Variants in RGL2 observed in about 807,000 individuals in gnomAD.
RGL2 encodes ral guanine nucleotide dissociation stimulator like 2.
In RGL2, 40 loss-of-function variants were observed where a neutral mutation model predicts 84.6. That is an observed-to-expected ratio of 0.47 (90% confidence interval 0.37 to 0.62). The LOEUF (loss-of-function observed/expected upper bound fraction) is 0.62, where lower values mean the gene tolerates loss of function less well. Ranked by LOEUF, RGL2 falls within the 20% of genes least tolerant of loss-of-function variation. The probability of loss-of-function intolerance (pLI) is 0.00; values close to 1 mark genes in which losing one functional copy is unlikely to be tolerated. For missense variants in RGL2, 865 were observed against 1,019.7 expected, an observed-to-expected ratio of 0.85 and a Z score of 2.07; for synonymous variants, 369 against 417.3, an observed-to-expected ratio of 0.88 and a Z score of 1.41.
Position 33,298,566 on chromosome 6 carries a change from G to A in RGL2, c.45C>T (p.Pro15=). The A allele has an allele frequency of 2.0e-6, 3 of 1,467,804 alleles. No individual in the cohort carries two copies. Among genetic ancestry groups the A allele is most frequent in the Non-Finnish European group, 2.7e-6 (3 of 1,109,594 alleles). The allele number at this position is 1,467,804 out of a possible 1,614,324, so 90.9% of individuals were successfully genotyped here. Residue 15 remains proline, a synonymous_variant, in exon 2 of 18, where the codon CCC becomes CCT. Transcript: ENST00000497454. The surrounding 1 kb of genome is among the most constrained non-coding windows in gnomAD (Gnocchi z 4.8). ...GGAAGCTGCTCAGTACGACTCCCCC[G>A]GGGGGGCTCGTGTCCAAAAGCAGCC... ...PLRLLLDTSP[P]GGVVLSSFRS...
Position 33,295,731 on chromosome 6 carries a change from T to C in RGL2, c.797A>G (p.Gln266Arg). Residue 266 changes from glutamine (Q) to arginine (R), a missense_variant, in exon 7 of 18, where the codon CAG (glutamine) becomes CGG (arginine). Physicochemically the swap from Gln to Arg is conservative, Grantham distance 43. Around this residue, in one of 5 missense-constraint regions of RGL2, gnomAD observed 455 missense variants for 507.8 expected, o/e 0.90. Coordinates refer to ENST00000497454, the MANE Select transcript of RGL2 (RefSeq NM_004761.5). The surrounding 1 kb of genome is among the most constrained non-coding windows in gnomAD (Gnocchi z 7.2). ...AELFLNLIPSQCLGGLWGHRD... is the reference protein window; with the variant it reads ...AELFLNLIPSRCLGGLWGHRD... ...GTGACCCCACAGGCCTCCCAGGCAC[T>C]GAGAGGGGATCAAATTGAGAAAAAG... The C allele has an allele frequency of 1.2e-6, 2 of 1,613,698 alleles. No homozygotes were observed. Among genetic ancestry groups the C allele is most frequent in the Non-Finnish European group, 1.7e-6 (2 of 1,179,988 alleles).
In RGL2 at chr6:33,296,841, A is replaced by G. The variant is rs781149462; in HGVS notation, c.241-65T>C. ...ACTCTGCACCTAGATTTCTGAGGAC[A>G]ATCCCAGACCCAGGAGATGTTCCAG... On this transcript the variant is annotated intron_variant, in intron 3 of 17. Transcript: ENST00000497454. This position sits in a 1 kb window ranked among gnomAD's most constrained non-coding sequence, Gnocchi z 5.0. The G allele has an allele frequency of 4.4e-6, 7 of 1,596,630 alleles. No homozygotes were observed. Among genetic ancestry groups the G allele is most frequent in the Non-Finnish European group, 6.0e-6 (7 of 1,164,224 alleles).
rs1454581761 is a variant in RGL2 at position 33,295,767 on chromosome 6, G to A, written c.769-8C>T. The stretch of plus-strand genomic sequence containing the variant: ...CAAATTGAGAAAAAGTTCCTGCAGG[G>A]TAGAGGTCAGAGGTTAAAGTTCATA... On this transcript the variant is annotated splice_region_variant and splice_polypyrimidine_tract_variant and intron_variant, in intron 6 of 17. Transcript: ENST00000497454. The surrounding 1 kb of genome is among the most constrained non-coding windows in gnomAD (Gnocchi z 7.2). The A allele has an allele frequency of 1.8e-5, 29 of 1,611,808 alleles. No individual in the cohort carries two copies. In the East Asian group the frequency reaches 6.0e-4, roughly 33 times the overall value.
chr6:33,298,698 G>T lies in RGL2; in HGVS notation c.-41-47C>A, dbSNP rs561105011. On this transcript the variant is annotated intron_variant, in intron 1 of 17. Coordinates refer to ENST00000497454, the MANE Select transcript of RGL2 (RefSeq NM_004761.5). The surrounding 1 kb of genome is among the most constrained non-coding windows in gnomAD (Gnocchi z 4.8). ...TGGGGGTGGAGAGTCAGGCAGGCGC[G>T]GGGGAACCGGGCAGGGAAGGGACGT... 7,990 of 870,484 alleles carry T rather than the reference G, an allele frequency of 9.2e-3. 74 individuals are homozygous for T. The highest frequency in any genetic ancestry group is 0.011 in the Non-Finnish European group (6,576 of 602,468). 53.9% of individuals were successfully genotyped at this position (870,484 alleles called of 1,614,324 possible).
At position 33,298,637 on chromosome 6, in the gene RGL2, G is replaced by A. The variant is rs1768259263; in HGVS notation, c.-27C>T. 2 of 1,423,106 alleles carry A rather than the reference G, an allele frequency of 1.4e-6. No homozygotes were observed. The highest frequency in any genetic ancestry group is 2.9e-5 in the South Asian group (2 of 69,088). The allele number at this position is 1,423,106 out of a possible 1,614,324, so 88.2% of individuals were successfully genotyped here. On this transcript the variant is annotated 5_prime_UTR_variant, in exon 2 of 18. It introduces an in-frame stop codon into an upstream open reading frame of the 5' UTR. Coordinates refer to ENST00000497454, the MANE Select transcript of RGL2 (RefSeq NM_004761.5). The surrounding 1 kb of genome is among the most constrained non-coding windows in gnomAD (Gnocchi z 4.8). Reference sequence around the variant, plus strand: ...GCCGAGTGAAGGAATCAGCGGGGTCGGGCCATGGGGGCGCCTGGGGAGAGA... The same window carrying A: ...GCCGAGTGAAGGAATCAGCGGGGTCAGGCCATGGGGGCGCCTGGGGAGAGA...
In RGL2 at chr6:33,294,618, CG is replaced by C. The variant is rs918088640; in HGVS notation, c.1353+69del. 10 of 1,549,498 alleles carry C rather than the reference CG, an allele frequency of 6.5e-6. No homozygotes were observed. The highest frequency in any genetic ancestry group is 8.9e-6 in the Non-Finnish European group (10 of 1,128,624). Reference sequence around the variant, plus strand: ...GTGCCTTACAGCCCCTTGCAAGGGGCGGGGGGGTCTGTCCGACCCTGCAGCC... The same window carrying C: ...GTGCCTTACAGCCCCTTGCAAGGGGCGGGGGGTCTGTCCGACCCTGCAGCC... On this transcript the variant is annotated intron_variant, in intron 11 of 17. Coordinates refer to ENST00000497454, the MANE Select transcript of RGL2 (RefSeq NM_004761.5). This position sits in a 1 kb window ranked among gnomAD's most constrained non-coding sequence, Gnocchi z 5.0.
At position 33,293,960 on chromosome 6, in the gene RGL2, C is replaced by G; in HGVS notation, c.1387-44G>C. ...ACTGCAGGAGCCAAAACTCAGGGACCCCTGACTTTTCCCCCTCCCCTTCCT... is the reference window on the plus strand; with the variant it reads ...ACTGCAGGAGCCAAAACTCAGGGACGCCTGACTTTTCCCCCTCCCCTTCCT... On this transcript the variant is annotated intron_variant, in intron 12 of 17. Transcript: ENST00000497454. The surrounding 1 kb of genome is among the most constrained non-coding windows in gnomAD (Gnocchi z 7.0). The G allele has an allele frequency of 6.2e-7, 1 of 1,614,080 alleles. No homozygotes were observed. The highest frequency in any genetic ancestry group is 8.5e-7 in the Non-Finnish European group (1 of 1,180,020).
At position 33,294,856 on chromosome 6, in the gene RGL2, A is replaced by G. The variant is rs1767783777; in HGVS notation, c.1279-94T>C. ...CCCTCCTCATTGCCTCAGAGAACAG[A>G]TTTCATTCTCCTCACCCCTCTGTGC... On this transcript the variant is annotated intron_variant, in intron 10 of 17. Transcript: ENST00000497454. The surrounding 1 kb of genome is among the most constrained non-coding windows in gnomAD (Gnocchi z 5.0). The G allele has an allele frequency of 6.6e-7, 1 of 1,504,406 alleles. No homozygotes were observed. The allele number at this position is 1,504,406 out of a possible 1,614,324, so 93.2% of individuals were successfully genotyped here. A position where few individuals can be genotyped will look rare whatever the true frequency, so the allele number is the denominator to read the frequency against.
Position 33,297,006 on chromosome 6 carries a change from G to A in RGL2, c.240+26C>T, listed in dbSNP as rs971747646. ...GAAAACTGGGAATGAAGAGTCAGAG[G>A]TGAGAAGCTAAAGTCATGATCTCAC... On this transcript the variant is annotated intron_variant, in intron 3 of 17. Coordinates refer to ENST00000497454, the MANE Select transcript of RGL2 (RefSeq NM_004761.5). This position sits in a 1 kb window ranked among gnomAD's most constrained non-coding sequence, Gnocchi z 4.0. 2.5e-6 allele frequency: 4 copies of A among 1,592,288 alleles called. No individual in the cohort carries two copies. The highest frequency in any genetic ancestry group is 1.7e-5 in the Admixed American group (1 of 57,744).
chr6:33,295,338 C>A lies in RGL2; in HGVS notation c.1105G>T (p.Ala369Ser). The A allele has an allele frequency of 6.3e-7, 1 of 1,586,140 alleles. No homozygotes were observed. The highest frequency in any genetic ancestry group is 8.6e-7 in the Non-Finnish European group (1 of 1,166,610). ...CCGCACCTGGTTGCTTCCCCCCAGG[C>A]TGCCCGAAGCCTGTGGATGGGGCTG... ...QSSPIHRLRAAWGEATRDSLR... is the reference protein window; with the variant it reads ...QSSPIHRLRASWGEATRDSLR... The change falls in exon 8 of 18, where the codon GCC becomes TCC. Residue 369 changes from alanine (A) to serine (S), a missense_variant. Ala to Ser is a moderately conservative substitution (Grantham distance 99). This residue lies in a region of RGL2 where 455 missense variants were observed against 507.8 expected (regional missense o/e 0.90). Coordinates refer to ENST00000497454, the MANE Select transcript of RGL2 (RefSeq NM_004761.5). The surrounding 1 kb of genome is among the most constrained non-coding windows in gnomAD (Gnocchi z 7.2).
rs1767827692 is a variant in RGL2, at chr6:33,295,234, C to T, written c.1125-23G>A. 6.3e-7 allele frequency: 1 copy of T among 1,586,614 alleles called. No individual in the cohort carries two copies. Among genetic ancestry groups the T allele is most frequent in the Non-Finnish European group, 8.6e-7 (1 of 1,165,348 alleles). ...TCCCTGGGGAAGGGAGAAAAGTGGCCCTGAGGACAGGCCTGGCTCTGTCAC... is the reference window on the plus strand; with the variant it reads ...TCCCTGGGGAAGGGAGAAAAGTGGCTCTGAGGACAGGCCTGGCTCTGTCAC... On this transcript the variant is annotated intron_variant, in intron 8 of 17. Coordinates refer to ENST00000497454, the MANE Select transcript of RGL2 (RefSeq NM_004761.5). The surrounding 1 kb of genome is among the most constrained non-coding windows in gnomAD (Gnocchi z 7.2).
Position 33,295,971 on chromosome 6 carries a change from T to C in RGL2, c.768+57A>G. The C allele has an allele frequency of 6.3e-7, 1 of 1,592,214 alleles. No individual in the cohort carries two copies. On this transcript the variant is annotated intron_variant, in intron 6 of 17. Coordinates refer to ENST00000497454, the MANE Select transcript of RGL2 (RefSeq NM_004761.5). The surrounding 1 kb of genome is among the most constrained non-coding windows in gnomAD (Gnocchi z 7.2). ...GTGGAAGCAAGGAAAGGATCTGGAG[T>C]CAAGGAGAGGTTAGTAAGGGGTCAG...
Position 33,292,296 on chromosome 6 carries a change from A to G in RGL2, c.2140T>C (p.Ser714Pro). ...TCCATGGCGTAGAATACATTAGCCG[A>G]GGCTGGGATAGTCAGCTCTGAAGGT... is the stretch of plus-strand genomic sequence containing the variant. The part of the protein sequence containing the change: ...PGERELTIPA[S>P]ANVFYAMDGA... Residue 714 changes from serine to proline, a missense_variant, in exon 18 of 18, where the codon TCG becomes CCG. Transcript: ENST00000497454. The G allele has an allele frequency of 6.2e-7, 1 of 1,614,088 alleles. No homozygotes were observed. The highest frequency in any genetic ancestry group is 8.5e-7 in the Non-Finnish European group (1 of 1,179,934).
Position 33,297,242 on chromosome 6 carries a change from G to T in RGL2, c.157-127C>A. On this transcript the variant is annotated intron_variant, in intron 2 of 17. Coordinates refer to ENST00000497454, the MANE Select transcript of RGL2 (RefSeq NM_004761.5). This position sits in a 1 kb window ranked among gnomAD's most constrained non-coding sequence, Gnocchi z 4.0. ...TGGTGGCAGGGCATAGTACCAGCGAGTGCGAGGAAGGGTTGGGGGAGCTGG... is the reference window on the plus strand; with the variant it reads ...TGGTGGCAGGGCATAGTACCAGCGATTGCGAGGAAGGGTTGGGGGAGCTGG... 1 of 704,438 alleles carries T rather than the reference G, an allele frequency of 1.4e-6. No homozygotes were observed. Among genetic ancestry groups the T allele is most frequent in the Non-Finnish European group, 2.3e-6 (1 of 438,988 alleles). 43.6% of individuals were successfully genotyped at this position (704,438 alleles called of 1,614,324 possible). A position where few individuals can be genotyped will look rare whatever the true frequency, so the allele number is the denominator to read the frequency against.
rs1457197891 is a variant in RGL2, at chr6:33,298,652, C to T, written c.-41-1G>A. 3 of 1,030,796 alleles carry T rather than the reference C, an allele frequency of 2.9e-6. No homozygotes were observed. Among genetic ancestry groups the T allele is most frequent in the Non-Finnish European group, 3.9e-6 (3 of 772,136 alleles). 63.9% of individuals were successfully genotyped at this position (1,030,796 alleles called of 1,614,324 possible). Reference sequence around the variant, plus strand: ...CAGCGGGGTCGGGCCATGGGGGCGCCTGGGGAGAGACGGGGTGGGGTGGGG... The same window carrying T: ...CAGCGGGGTCGGGCCATGGGGGCGCTTGGGGAGAGACGGGGTGGGGTGGGG... On this transcript the variant is annotated splice_acceptor_variant, in intron 1 of 17. Transcript: ENST00000497454. LOFTEE classifies it low-confidence loss of function (5UTR_SPLICE). The surrounding 1 kb of genome is among the most constrained non-coding windows in gnomAD (Gnocchi z 4.8).
In RGL2 at chr6:33,292,456, A is replaced by G. The variant is rs1275902367; in HGVS notation, c.2096T>C (p.Leu699Pro). 6.2e-7 allele frequency: 1 copy of G among 1,614,154 alleles called. No homozygotes were observed. The highest frequency in any genetic ancestry group is 1.3e-5 in the African/African-American group (1 of 75,038). ...RDSAVASEYE[L>P]VQLLPGEREL... The stretch of plus-strand genomic sequence containing the variant: ...TCGCTCCCCTGGTAGCAGCTGTACC[A>G]GCTCATACTCTGAAGCCACTGCAGA... The change falls in exon 17 of 18, where the codon CTG becomes CCG. Residue 699 changes from leucine to proline, a missense_variant. Physicochemically the swap from Leu to Pro is moderately conservative, Grantham distance 98. Transcript: ENST00000497454.
chr6:33,291,921 C>T lies in RGL2; in HGVS notation c.*181G>A. ...AGGTATCCAACTTGGTTATAAGACA[C>T]CAGTTCCCACAGGGCTGGATTTCTC... is the stretch of plus-strand genomic sequence containing the variant. On this transcript the variant is annotated 3_prime_UTR_variant, in exon 18 of 18. Transcript: ENST00000497454. 1.5e-6 allele frequency: 1 copy of T among 656,100 alleles called. No individual in the cohort carries two copies. The highest frequency in any genetic ancestry group is 2.6e-6 in the Non-Finnish European group (1 of 379,154). 40.6% of individuals were successfully genotyped at this position (656,100 alleles called of 1,614,324 possible). A position where few individuals can be genotyped will look rare whatever the true frequency, so the allele number is the denominator to read the frequency against.
chr6:33,298,323 A>C lies in RGL2; in HGVS notation c.156+132T>G. On this transcript the variant is annotated intron_variant, in intron 2 of 17. Transcript: ENST00000497454. The surrounding 1 kb of genome is among the most constrained non-coding windows in gnomAD (Gnocchi z 4.8). The stretch of plus-strand genomic sequence containing the variant: ...ACGCCAGGACTCCCCGCAGCAGAGA[A>C]ACGGGCCGACACCCAGGGAGGCGCG... 3 of 579,330 alleles carry C rather than the reference A, an allele frequency of 5.2e-6. No homozygotes were observed. Among genetic ancestry groups the C allele is most frequent in the Non-Finnish European group, 9.2e-6 (3 of 326,276 alleles). 35.9% of individuals were successfully genotyped at this position (579,330 alleles called of 1,614,324 possible). A position where few individuals can be genotyped will look rare whatever the true frequency, so the allele number is the denominator to read the frequency against.
rs1767835334 is a variant in RGL2 at position 33,295,301 on chromosome 6, A to C, written c.1124+18T>G. 6.4e-7 allele frequency: 1 copy of C among 1,562,066 alleles called. No individual in the cohort carries two copies. Among genetic ancestry groups the C allele is most frequent in the Non-Finnish European group, 8.7e-7 (1 of 1,152,966 alleles). Reference sequence around the variant, plus strand: ...TCTGAGGAACCCCCACCCCAGTCCAATGCCTCAGCCTCCGCACCTGGTTGC... The same window carrying C: ...TCTGAGGAACCCCCACCCCAGTCCACTGCCTCAGCCTCCGCACCTGGTTGC... On this transcript the variant is annotated intron_variant, in intron 8 of 17. Transcript: ENST00000497454. This position sits in a 1 kb window ranked among gnomAD's most constrained non-coding sequence, Gnocchi z 7.2.
Sources: gnomAD v4.1 joint callset for allele counts on GRCh38, gnomAD v4.1.1 for gene constraint, gnomAD v4.1.1 regional missense constraint, Gnocchi (gnomAD v3.1) non-coding constraint, MANE v1.5 for transcripts, NCBI Gene and HGNC (gene_info 2026-07-23, HGNC 2026-07-21) for gene names.